Variants in TMEM232 observed in about 807,000 individuals in gnomAD.
The protein encoded by TMEM232 is transmembrane protein 232.
TMEM232 carries 80 observed loss-of-function variants against 78.8 expected under a neutral mutation model. That is an observed-to-expected ratio of 1.01 (90% CI 0.85 to 1.22). TMEM232 has a LOEUF of 1.22. Ranked by LOEUF, TMEM232 falls within the 50% of genes most tolerant of loss-of-function variation. TMEM232 has a pLI of 0.00. For synonymous variants in TMEM232, 297 were observed against 254.3 expected (o/e 1.17, Z -1.60); for missense variants, 881 against 742.2 (o/e 1.19, Z -2.17).
intron 10 of TMEM232, among the ~76,000 whole-genome samples, chr5:110,590,127 T>C (rs1779323888): frequency 6.6e-6 from 1 of 152,134 alleles, no homozygotes; most frequent in Non-Finnish European, 1.5e-5. Flanking sequence ...ATAAAAAATT[T>C]TCTATTCAAT....
chr5:110,640,064 T>C (rs1188654725), intron 4 of TMEM232, among the ~76,000 whole-genome samples: 1 of 152,226 alleles, frequency 6.6e-6, no homozygotes, highest in East Asian at 1.9e-4. Context: ...CTAAATCACA[T>C]GACTGATTAA....
At chr5:110,398,864 CAAAT>C (rs1755488408) in intron 2 of TMEM232, among the ~76,000 whole-genome samples, 1 of 151,712 alleles carries the variant, frequency 6.6e-6, no homozygotes, top group Non-Finnish European at 1.5e-5. Context: ...TAAACAAAAA[CAAAT>C]AAATAAGATA....
intron 12 of TMEM232, among the ~76,000 whole-genome samples, chr5:110,455,610 C>A (rs1760817350): frequency 1.3e-5 from 2 of 151,930 alleles, no homozygotes; most frequent in South Asian, 4.1e-4. Context: ...AATCTCCTGA[C>A]CTCGTTATCC....
At chr5:110,448,147 A>T (rs1194106270) in intron 12 of TMEM232, among the ~76,000 whole-genome samples, 1 of 152,078 alleles carries the variant, frequency 6.6e-6, no homozygotes, top group Non-Finnish European at 1.5e-5. Flanking sequence ...TAGTTTATGT[A>T]TATAAAGAGA....
At chr5:110,498,794 T>C (rs959593457) in intron 12 of TMEM232, among the ~76,000 whole-genome samples, 10 of 152,156 alleles carry the variant, frequency 6.6e-5, no homozygotes, top group African/African-American at 2.2e-4. Flanking sequence ...AGCAGGACTT[T>C]CTATAACTAA....
At chr5:110,570,408 TC>T in intron 10 of TMEM232, among the ~76,000 whole-genome samples, 1 of 152,098 alleles carries the variant, frequency 6.6e-6, no homozygotes, top group African/African-American at 2.4e-5. Flanking sequence ...ATCTGTATCT[TC>T]AAGTAATTGG....
chr5:110,537,082 G>A (rs1443321022), intron 11 of TMEM232, among the ~76,000 whole-genome samples: 2 of 152,006 alleles, frequency 1.3e-5, no homozygotes, highest in African/African-American at 2.4e-5. Flanking sequence ...GATGCCTCAA[G>A]CATCACTCGG....
At chr5:110,737,309 C>A (rs2150396232) in intron 1 of TMEM232, among the ~76,000 whole-genome samples, 1 of 152,086 alleles carries the variant, frequency 6.6e-6, no homozygotes, top group African/African-American at 2.4e-5. Context: ...TATTTGCATT[C>A]CTGCTTATTT....
chr5:110,523,016 A>T (rs1413773234), intron 12 of TMEM232, among the ~76,000 whole-genome samples: 1 of 152,200 alleles, frequency 6.6e-6, no homozygotes, highest in East Asian at 1.9e-4. Context: ...AGGATTCACC[A>T]ATGAAGCTAC....
In TMEM232 at chr5:110,699,491, C is replaced by A. The variant is rs747457288; in HGVS notation, c.-13+27136G>T. On this transcript the variant is annotated intron_variant, in intron 1 of 13. Coordinates refer to ENST00000455884, the MANE Select transcript of TMEM232 (RefSeq NM_001039763.4). ...GCCAAAATGGGACTCTTTTGAGATC[C>A]CGAAACTGGTTTACTTATGGGCACA... Among the ~76,000 whole-genome samples the A allele has an allele frequency of 2.0e-5, 3 of 151,862 alleles. No individual in the cohort carries two copies. In the East Asian group the frequency reaches 5.8e-4, roughly 29 times the overall value.
intron 11 of TMEM232, among the ~76,000 whole-genome samples, chr5:110,541,273 C>T (rs1312516447): frequency 1.3e-5 from 2 of 152,236 alleles, no homozygotes; most frequent in African/African-American, 4.8e-5. Flanking sequence ...ACTTAGGAAA[C>T]AAAATGCCTC....
chr5:110,567,107 A>G (rs964618061), intron 11 of TMEM232, among the ~76,000 whole-genome samples: 6 of 151,962 alleles, frequency 3.9e-5, no homozygotes, highest in East Asian at 1.9e-4. Flanking sequence ...CCATGATTCA[A>G]TTAACTCCCA....
intron 11 of TMEM232, among the ~76,000 whole-genome samples, chr5:110,565,553 A>G (rs553938703): frequency 6.6e-6 from 1 of 151,980 alleles, no homozygotes; most frequent in South Asian, 2.1e-4. Context: ...AAAATAAGAA[A>G]ACTAAGGCTG....
chr5:110,735,570 C>T (rs536800123), intron 1 of TMEM232, among the ~76,000 whole-genome samples: 9 of 152,212 alleles, frequency 5.9e-5, no homozygotes, highest in African/African-American at 1.7e-4. Context: ...GATATAAATG[C>T]TATTGTTTGA....
intron 12 of TMEM232, among the ~76,000 whole-genome samples, chr5:110,448,419 C>G (rs1205716188): frequency 1.3e-5 from 2 of 152,028 alleles, no homozygotes; most frequent in African/African-American, 2.4e-5. Context: ...GAGCAACAAT[C>G]TGTTATGTCG....
At chr5:110,463,314 A>G (rs1357154811) in intron 12 of TMEM232, among the ~76,000 whole-genome samples, 32 of 152,202 alleles carry the variant, frequency 2.1e-4, no homozygotes, top group Non-Finnish European at 1.0e-4. Context: ...ACAACTAAAT[A>G]TCTTCAAATT....
chr5:110,434,729 G>A (rs59237884), intron 12 of TMEM232, among the ~76,000 whole-genome samples: 4,954 of 151,980 alleles, frequency 0.033, 283 homozygotes, highest in African/African-American at 0.11. Flanking sequence ...AACCAAATGC[G>A]GCAGCACATC....
chr5:110,444,358 G>A (rs1022743350), intron 12 of TMEM232, among the ~76,000 whole-genome samples: 5 of 152,076 alleles, frequency 3.3e-5, no homozygotes, highest in Admixed American at 2.0e-4. Context: ...GGGCTGCACC[G>A]AGTTCAACCT....
rs73218948 is a variant in TMEM232, at chr5:110,423,636, T to G, written c.1797+1187A>C. Among the ~76,000 whole-genome samples, 577 of 152,266 alleles carry G rather than the reference T, an allele frequency of 3.8e-3. 3 individuals are homozygous for G. The highest frequency in any genetic ancestry group is 0.013 in the African/African-American group (537 of 41,566). On this transcript the variant is annotated intron_variant, in intron 13 of 13. Coordinates refer to ENST00000455884, the MANE Select transcript of TMEM232 (RefSeq NM_001039763.4). ...TACAATATAAGCAGGTTCATGGCAG[T>G]GATTACTTGGATAGTGCTTACACCC...
Sources: gnomAD v4.1 joint callset for allele counts (sites outside exome capture counted in the v4.1 genomes callset) on GRCh38, gnomAD v4.1.1 for gene constraint, MANE v1.5 for transcripts, NCBI Gene and HGNC (gene_info 2026-07-23, HGNC 2026-07-21) for gene names.